The following PROX2 variants were observed in gnomAD, a reference collection of about 807,000 sequenced individuals.
PROX2 encodes the protein prospero homeobox protein 2.
PROX2 carries 46 observed loss-of-function variants against 48.9 expected under a neutral mutation model. The observed-to-expected ratio is 0.94, with a 90% CI of 0.74 to 1.20. PROX2 has a LOEUF of 1.20. Among genes scored for constraint, PROX2 ranks in the 50% most tolerant of loss-of-function variants. The pLI, the probability that PROX2 is intolerant of heterozygous loss-of-function variation, is 0.00. For missense variants in PROX2, 663 were observed against 719.4 expected, an observed-to-expected ratio of 0.92 and a Z score of 0.90; for synonymous variants, 260 against 276.6, an observed-to-expected ratio of 0.94 and a Z score of 0.60.
intron 3 of PROX2, chr14:74,861,133 G>T: frequency 9.3e-7 from 1 of 1,077,272 alleles, no homozygotes; most frequent in Non-Finnish European, 1.3e-6. Context: ...GGCAGGTTCT[G>T]GCATGGTAAT....
At chr14:74,859,992 G>A (rs2091782324) in intron 3 of PROX2, among the ~76,000 whole-genome samples, 1 of 152,198 alleles carries the variant, frequency 6.6e-6, no homozygotes, top group African/African-American at 2.4e-5. Context: ...GGAGTATAGT[G>A]GTTAAAGCTT....
intron 3 of PROX2, among the ~76,000 whole-genome samples, chr14:74,860,489 G>A (rs1346771212): frequency 1.3e-5 from 2 of 152,068 alleles, no homozygotes; most frequent in Admixed American, 6.5e-5. Flanking sequence ...AGTGCTGGTA[G>A]CAATGCCTGC....
chr14:74,859,363 T>C (rs775288680), intron 3 of PROX2: 4 of 152,250 alleles, frequency 2.6e-5, no homozygotes, highest in African/African-American at 4.8e-5. Context: ...GAGGACCTTA[T>C]CTTTTCATCT....
intron 2 of PROX2, among the ~76,000 whole-genome samples, chr14:74,865,932 T>G (rs1429452319): frequency 6.6e-6 from 1 of 151,998 alleles, no homozygotes; most frequent in African/African-American, 2.4e-5. Context: ...ATATAAGTAC[T>G]AGACAGACAT....
At chr14:74,857,875 T>G (rs1343048386) in intron 4 of PROX2, 1 of 152,340 alleles carries the variant, frequency 6.6e-6, no homozygotes, top group Non-Finnish European at 1.5e-5. Context: ...GTGATTCTCC[T>G]GCCTCAGCCT....
chr14:74,860,234 C>T (rs2091783864), intron 3 of PROX2, among the ~76,000 whole-genome samples: 1 of 152,116 alleles, frequency 6.6e-6, no homozygotes, highest in Admixed American at 6.5e-5. Flanking sequence ...GATGTGTGTA[C>T]CACACATTAA....
intron 2 of PROX2, among the ~76,000 whole-genome samples, chr14:74,866,852 G>C (rs1225513104): frequency 6.6e-6 from 1 of 152,208 alleles, no homozygotes; most frequent in Non-Finnish European, 1.5e-5. Flanking sequence ...TTTGTAGGCT[G>C]ATAACAATGT....
chr14:74,868,804 C>T (rs1354488869), intron 2 of PROX2, among the ~76,000 whole-genome samples: 3 of 150,926 alleles, frequency 2.0e-5, no homozygotes, highest in Admixed American at 6.6e-5. Context: ...CGCCACTGCA[C>T]TCCAACCTGG....
In PROX2 at chr14:74,858,790, G is replaced by GTGTA. The variant is rs2091769238; in HGVS notation, c.1306-277_1306-276insTACA. ...AGGTTGGTGTATTTTGTGTGTGTGT[G>GTGTA]TGTGTGTGTGTGTGTGTGTGGTGTC... is the stretch of plus-strand genomic sequence containing the variant. On this transcript the variant is annotated intron_variant, in intron 3 of 5. Coordinates refer to ENST00000556489, the MANE Select transcript of PROX2 (RefSeq NM_001243007.2). 1.2e-5 allele frequency: 4 copies of GTGTA among 331,964 alleles called. No homozygotes were observed. The South Asian group carries it at 1.3e-4, about 11-fold the overall frequency. 20.6% of individuals were successfully genotyped at this position (331,964 alleles called of 1,614,324 possible). A position where few individuals can be genotyped will look rare whatever the true frequency, so the allele number is the denominator to read the frequency against.
At chr14:74,859,930 G>A (rs8016436) in intron 3 of PROX2, among the ~76,000 whole-genome samples, 2,557 of 152,324 alleles carry the variant, frequency 0.017, 72 homozygotes, top group African/African-American at 0.059. Context: ...TCTATTAGCT[G>A]TGTGACCTTG....
intron 2 of PROX2, among the ~76,000 whole-genome samples, chr14:74,864,702 G>A (rs113602941): frequency 0.015 from 2,314 of 152,220 alleles, 50 homozygotes; most frequent in African/African-American, 0.053. Flanking sequence ...TTAGCTGGGC[G>A]TGATGGCGGG....
At chr14:74,861,471 A>G (rs1384623990) in intron 3 of PROX2, among the ~76,000 whole-genome samples, 1 of 152,210 alleles carries the variant, frequency 6.6e-6, no homozygotes, top group Non-Finnish European at 1.5e-5. Flanking sequence ...TATTTCCCCA[A>G]GGTACTTTTT....
chr14:74,858,545 TA>T (rs766890823), intron 3 of PROX2, 31 bp from the exon 4 acceptor site: 23 of 1,178,938 alleles, frequency 2.0e-5, no homozygotes, highest in Admixed American at 4.1e-5. Flanking sequence ...ATGAACACTT[TA>T]AAATGCCAGT....
intron 3 of PROX2, 96 bp from the exon 4 acceptor site, chr14:74,858,610 T>C: frequency 1.4e-6 from 1 of 726,840 alleles, no homozygotes; most frequent in Non-Finnish European, 2.3e-6. Context: ...TGATTTCATT[T>C]TGTTTTTCTG....
intron 4 of PROX2, chr14:74,858,185 A>T: frequency 2.2e-6 from 1 of 448,164 alleles, no homozygotes; most frequent in Non-Finnish European, 4.0e-6. Context: ...GATTATCTAC[A>T]GCTCAGTAGC....
chr14:74,863,537 G>A lies in PROX2; in HGVS notation c.298C>T (p.Arg100Ter), dbSNP rs749057074. The change falls in exon 3 of 6, where the codon CGA becomes TGA. Residue 100 changes from arginine to a stop codon, truncating the protein, a stop_gained. Coordinates refer to ENST00000556489, the MANE Select transcript of PROX2 (RefSeq NM_001243007.2). LOFTEE classifies it high-confidence loss of function. ...GVSPRCPKKA[R>*]ERKRKQNLPT... ...AGGTTCTGCTTCCTCTTCCTCTCTC[G>A]GGCCTTCTTTGGGCAGCGTGGGCTG... is the stretch of plus-strand genomic sequence containing the variant. The A allele has an allele frequency of 3.1e-6, 5 of 1,613,480 alleles. No homozygotes were observed. The highest frequency in any genetic ancestry group is 1.3e-5 in the African/African-American group (1 of 75,040).
chr14:74,856,648 G>A, intron 5 of PROX2, 153 bp downstream of exon 5: 1 of 628,228 alleles, frequency 1.6e-6, no homozygotes, highest in Non-Finnish European at 2.8e-6. Flanking sequence ...AAGATGTTGA[G>A]GCTGTAATCT....
Position 74,871,149 on chromosome 14 carries a change from G to T in PROX2, c.-221C>A, listed in dbSNP as rs969124852. 17 of 152,142 alleles carry T rather than the reference G, an allele frequency of 1.1e-4. No homozygotes were observed. The highest frequency in any genetic ancestry group is 1.3e-4 in the Non-Finnish European group (9 of 68,048). 9.4% of individuals were successfully genotyped at this position (152,142 alleles called of 1,614,324 possible). On this transcript the variant is annotated 5_prime_UTR_variant, in exon 2 of 6. Transcript: ENST00000556489. ...AAGCTGAGGTGGGAAGACTGCTTGA[G>T]CCCAGGAGTTCAAAGCTGTAGTGTG...
chr14:74,855,241 G>C lies in PROX2; in HGVS notation c.1670C>G (p.Ser557Cys). Reference sequence around the variant, plus strand: ...GGAAGGATCTGAGTCTCTCCCTGCGGAGACAGCCCTGAAGAACTCCTGTAA... The same window carrying C: ...GGAAGGATCTGAGTCTCTCCCTGCGCAGACAGCCCTGAAGAACTCCTGTAA... ...LTLQEFFRAVSAGRDSDPSWK... is the reference protein window; with the variant it reads ...LTLQEFFRAVCAGRDSDPSWK... The change falls in exon 6 of 6, where the codon TCC becomes TGC. Residue 557 changes from serine to cysteine, a missense_variant. By Grantham distance (112) the Ser-to-Cys change is moderately radical (BLOSUM62 -1). Coordinates refer to ENST00000556489, the MANE Select transcript of PROX2 (RefSeq NM_001243007.2). The C allele has an allele frequency of 6.3e-7, 1 of 1,591,982 alleles. No individual in the cohort carries two copies. Among genetic ancestry groups the C allele is most frequent in the Non-Finnish European group, 8.6e-7 (1 of 1,165,360 alleles).
Sources: gnomAD v4.1 joint callset for allele counts (sites outside exome capture counted in the v4.1 genomes callset) on GRCh38, gnomAD v4.1.1 for gene constraint, MANE v1.5 for transcripts, NCBI Gene and HGNC (gene_info 2026-07-23, HGNC 2026-07-21) for gene names.